Variants in ANKS1B observed in about 807,000 individuals in gnomAD.
ANKS1B encodes ankyrin repeat and sterile alpha motif domain-containing protein 1B.
In ANKS1B, 36 loss-of-function variants were observed where a neutral mutation model predicts 148.3. That is an observed-to-expected ratio of 0.24 (90% CI 0.19 to 0.32). The LOEUF (loss-of-function observed/expected upper bound fraction) is 0.32. ANKS1B is among the 10% of genes least tolerant of loss of function. The pLI is 1.00. For synonymous variants in ANKS1B, 542 were observed against 560.8 expected, an observed-to-expected ratio of 0.97 and a Z score of 0.47; for missense variants, 1,157 against 1,542.6, an observed-to-expected ratio of 0.75 and a Z score of 4.19.
intron 9 of ANKS1B, among the ~76,000 whole-genome samples, chr12:99,641,280 C>G (rs140364235): frequency 2.0e-5 from 3 of 152,288 alleles, no homozygotes; most frequent in African/African-American, 7.2e-5. Flanking sequence ...CAAACAGGAA[C>G]TAGCGTCCTC....
chr12:99,473,261 A>G (rs1490046347), intron 10 of ANKS1B, among the ~76,000 whole-genome samples: 1 of 152,030 alleles, frequency 6.6e-6, no homozygotes, highest in Non-Finnish European at 1.5e-5. Flanking sequence ...AACACTTTCA[A>G]TATAGATCCA....
chr12:99,784,168 C>CTTTTTTT (rs71088155), intron 4 of ANKS1B, among the ~76,000 whole-genome samples: 1 of 110,878 alleles, frequency 9.0e-6, no homozygotes, highest in African/African-American at 3.4e-5. Context: ...ACTGAACTTT[C>CTTTTTTT]TTTTTTTTTT....
chr12:99,441,744 C>T (rs2095553567), intron 11 of ANKS1B, among the ~76,000 whole-genome samples: 1 of 151,832 alleles, frequency 6.6e-6, no homozygotes, highest in South Asian at 2.1e-4. Flanking sequence ...CTAAGATAAA[C>T]ATTTAAGTAA....
chr12:99,929,294 T>C lies in ANKS1B; in HGVS notation c.134+54810A>G, dbSNP rs537120409. ...GTGTTTTTTGGCTGCATAAATGTCT[T>C]CTTTTGAGAAGTGTCTGTTCATATC... On this transcript the variant is annotated intron_variant, in intron 1 of 26. Coordinates refer to ENST00000683438, the MANE Select transcript of ANKS1B (RefSeq NM_001352186.2). Among the ~76,000 whole-genome samples, 6 of 152,340 alleles carry C rather than the reference T, an allele frequency of 3.9e-5. No homozygotes were observed. The East Asian group carries it at 9.6e-4, about 24-fold the overall frequency.
At chr12:99,360,453 C>T (rs1215709459) in intron 12 of ANKS1B, among the ~76,000 whole-genome samples, 1 of 152,070 alleles carries the variant, frequency 6.6e-6, no homozygotes, top group Admixed American at 6.6e-5. Context: ...GATTTGTTCA[C>T]AACTATTCAT....
chr12:99,318,162 G>A (rs1272938739), intron 12 of ANKS1B, among the ~76,000 whole-genome samples: 2 of 152,194 alleles, frequency 1.3e-5, no homozygotes, highest in African/African-American at 2.4e-5. Context: ...TTTGGTATCA[G>A]GATGATGCTG....
chr12:99,871,123 A>G, intron 1 of ANKS1B, among the ~76,000 whole-genome samples: 1 of 152,156 alleles, frequency 6.6e-6, no homozygotes. Context: ...GTCCAGTTTC[A>G]TTCTTCTGCA....
intron 12 of ANKS1B, among the ~76,000 whole-genome samples, chr12:99,382,284 T>G (rs946745401): frequency 6.6e-6 from 1 of 152,284 alleles, no homozygotes; most frequent in Admixed American, 6.5e-5. Flanking sequence ...GCTCCCTACA[T>G]CTTTTAAATT....
chr12:98,927,783 G>A (rs958402863), intron 17 of ANKS1B, among the ~76,000 whole-genome samples: 1 of 151,028 alleles, frequency 6.6e-6, no homozygotes, highest in African/African-American at 2.4e-5. Context: ...TATAGTAAGA[G>A]AAACAAGAAA....
intron 12 of ANKS1B, among the ~76,000 whole-genome samples, chr12:99,374,397 G>C (rs186451168): frequency 1.3e-5 from 2 of 152,286 alleles, no homozygotes; most frequent in Non-Finnish European, 2.9e-5. Context: ...GTGAACTGGT[G>C]TGTCTACAGG....
intron 9 of ANKS1B, among the ~76,000 whole-genome samples, chr12:99,646,652 CAAAAAAAAAAAAAAA>C (rs35481645): frequency 0.025 from 905 of 35,922 alleles, 28 homozygotes; most frequent in African/African-American, 0.085. Context: ...GACTCCATCT[CAAAAAAAAAAAAAAA>C]AAAAAAAAAA....
chr12:99,132,840 C>A (rs1413849544), intron 15 of ANKS1B, among the ~76,000 whole-genome samples: 3 of 152,032 alleles, frequency 2.0e-5, no homozygotes, highest in Admixed American at 6.6e-5. Flanking sequence ...CATAAAGTGG[C>A]CACTCATATA....
At chr12:99,389,174 T>C (rs1203292115) in intron 12 of ANKS1B, among the ~76,000 whole-genome samples, 1 of 152,046 alleles carries the variant, frequency 6.6e-6, no homozygotes, top group East Asian at 1.9e-4. Context: ...ATCCAGTAGG[T>C]AGAAGTAACT....
chr12:98,952,587 G>A (rs1007757075), intron 17 of ANKS1B, among the ~76,000 whole-genome samples: 5 of 152,064 alleles, frequency 3.3e-5, no homozygotes, highest in Admixed American at 1.3e-4. Context: ...GACCCTCGGC[G>A]ATCAATACCT....
At chr12:99,887,220 A>G (rs1049949804) in intron 1 of ANKS1B, among the ~76,000 whole-genome samples, 2 of 152,326 alleles carry the variant, frequency 1.3e-5, no homozygotes, top group East Asian at 1.9e-4. Flanking sequence ...TATGGTAACC[A>G]CTGAGCCACA....
chr12:99,229,639 T>C (rs2086509603), intron 14 of ANKS1B, among the ~76,000 whole-genome samples: 1 of 151,954 alleles, frequency 6.6e-6, no homozygotes, highest in South Asian at 2.1e-4. Flanking sequence ...TCATTATATT[T>C]TGGGCAAATA....
intron 14 of ANKS1B, among the ~76,000 whole-genome samples, chr12:99,208,498 T>A (rs917147291): frequency 6.6e-6 from 1 of 152,172 alleles, no homozygotes; most frequent in African/African-American, 2.4e-5. Context: ...ATTTCATATG[T>A]TAAATTATAT....
At chr12:98,904,103 T>C (rs964680546) in intron 17 of ANKS1B, among the ~76,000 whole-genome samples, 3 of 151,874 alleles carry the variant, frequency 2.0e-5, no homozygotes, top group Non-Finnish European at 4.4e-5. Context: ...TAAAAATTAA[T>C]ATCTAATGAT....
At chr12:99,486,458 A>G (rs773207431) in intron 10 of ANKS1B, among the ~76,000 whole-genome samples, 2,211 of 47,998 alleles carry the variant, frequency 0.046, 59 homozygotes, top group South Asian at 0.16. Flanking sequence ...GCATGTGCTT[A>G]TTTATTTATT....
Sources: allele counts gnomAD v4.1 joint callset (sites outside exome capture counted in the v4.1 genomes callset), GRCh38; gene constraint gnomAD v4.1.1; transcripts MANE v1.5; gene names NCBI Gene and HGNC (gene_info 2026-07-23, HGNC 2026-07-21).